GRID1: variants seen among roughly 807,000 people sequenced by gnomAD.
GRID1 encodes the protein glutamate ionotropic receptor delta type subunit 1.
In GRID1, 28 loss-of-function variants were observed where a neutral mutation model predicts 98.0. The observed-to-expected ratio is 0.29, with a 90% CI of 0.21 to 0.39. The LOEUF is 0.39. Ranked by LOEUF, GRID1 falls within the 10% of genes least tolerant of loss-of-function variation. GRID1 has a pLI of 1.00. For missense variants in GRID1, 1,111 were observed against 1,340.5 expected (o/e 0.83, Z 2.67); for synonymous variants, 553 against 538.5 (o/e 1.03, Z -0.37).
chr10:86,341,527 C>G (rs917092878), intron 2 of GRID1, among the ~76,000 whole-genome samples: 2 of 152,336 alleles, frequency 1.3e-5, no homozygotes, highest in East Asian at 3.9e-4. Flanking sequence ...CTCCCGGCCA[C>G]GGCTTTCCCT....
At chr10:85,860,033 G>A (rs1031317611) in intron 6 of GRID1, among the ~76,000 whole-genome samples, 2 of 152,198 alleles carry the variant, frequency 1.3e-5, no homozygotes, top group African/African-American at 4.8e-5. Flanking sequence ...TGAGAAGGAA[G>A]TCTGGAAGGA....
rs371650374 is a variant in GRID1 at position 86,366,290 on chromosome 10, G to C, written c.79+24C>G. ...CCCGTTGGGGCCCCCGCCCAGCCTC[G>C]GCCCGGCCTCCAGCCGCGCTTACCG... is the stretch of plus-strand genomic sequence containing the variant. On this transcript the variant is annotated intron_variant, in intron 1 of 15. Transcript: ENST00000327946. The surrounding 1 kb of genome is among the most constrained non-coding windows in gnomAD (Gnocchi z 4.1). The C allele has an allele frequency of 3.8e-4, 558 of 1,472,686 alleles. 2 individuals carry two copies. In the African/African-American group the frequency reaches 5.6e-3, roughly 15 times the overall value. The allele number at this position is 1,472,686 out of a possible 1,614,324, so 91.2% of individuals were successfully genotyped here.
At chr10:86,188,394 G>C (rs1369662821) in intron 3 of GRID1, among the ~76,000 whole-genome samples, 1 of 152,210 alleles carries the variant, frequency 6.6e-6, no homozygotes, top group Non-Finnish European at 1.5e-5. Flanking sequence ...GAAAATGGGA[G>C]CTGCAGCCCA....
chr10:86,046,221 G>A (rs965926919), intron 4 of GRID1, among the ~76,000 whole-genome samples: 6 of 152,074 alleles, frequency 3.9e-5, no homozygotes, highest in African/African-American at 1.5e-4. Flanking sequence ...AACCGCCCCC[G>A]AACCTACAAG....
chr10:85,681,191 C>T lies in GRID1; in HGVS notation c.1998-33794G>A, dbSNP rs528351510. On this transcript the variant is annotated intron_variant, in intron 12 of 15. Coordinates refer to ENST00000327946, the MANE Select transcript of GRID1 (RefSeq NM_017551.3). ...GTATTGCAGGCCCTCCATGATGTGG[C>T]CCAATCTCATGTTCAAGTTGGCTCC... is the stretch of plus-strand genomic sequence containing the variant. Among the ~76,000 whole-genome samples the T allele has an allele frequency of 3.3e-5, 5 of 152,116 alleles. No homozygotes were observed. The South Asian group carries it at 6.2e-4, about 19-fold the overall frequency.
At chr10:86,313,236 A>G (rs1200308388) in intron 2 of GRID1, among the ~76,000 whole-genome samples, 5 of 152,252 alleles carry the variant, frequency 3.3e-5, no homozygotes, top group African/African-American at 4.8e-5. Flanking sequence ...CCATGAAAAT[A>G]CTAACAGCGA....
At chr10:85,912,479 C>A (rs1841552888) in intron 5 of GRID1, among the ~76,000 whole-genome samples, 1 of 151,804 alleles carries the variant, frequency 6.6e-6, no homozygotes, top group Non-Finnish European at 1.5e-5. Flanking sequence ...GTAAAGAAAG[C>A]AAATAAAAAC....
intron 5 of GRID1, among the ~76,000 whole-genome samples, chr10:85,872,361 T>C (rs923149411): frequency 1.3e-5 from 2 of 152,146 alleles, no homozygotes; most frequent in Non-Finnish European, 2.9e-5. Context: ...GCCTTTCGTT[T>C]TTCCCATATT....
Position 86,219,352 on chromosome 10 carries a change from G to T in GRID1, c.236-12704C>A, listed in dbSNP as rs143813919. On this transcript the variant is annotated intron_variant, in intron 2 of 15. Coordinates refer to ENST00000327946, the MANE Select transcript of GRID1 (RefSeq NM_017551.3). ...GCCCACCCTCCAGTGTGAGTTCAAC[G>T]CTGCCAACTGCCCAATGGCCCTTAA... Among the ~76,000 whole-genome samples the T allele has an allele frequency of 1.1e-3, 161 of 152,280 alleles. 3 individuals carry two copies. The highest frequency in any genetic ancestry group is 1.9e-4 in the East Asian group (1 of 5,178).
rs114009943 is a variant in GRID1, at chr10:86,036,907, T to G, written c.726+101912A>C. On this transcript the variant is annotated intron_variant, in intron 4 of 15. Coordinates refer to ENST00000327946, the MANE Select transcript of GRID1 (RefSeq NM_017551.3). ...AAAACAATGTAGGCTACATTACAAA[T>G]CAAAATAAGCAACAAAGCATTTTAT... 9.6e-3 allele frequency among the ~76,000 whole-genome samples: 1,459 copies of G among 152,278 alleles called. 20 individuals carry two copies. The highest frequency in any genetic ancestry group is 0.034 in the African/African-American group (1,394 of 41,552).
At position 86,138,921 on chromosome 10, in the gene GRID1, G is replaced by C; in HGVS notation, c.624C>G (p.Leu208=). ...DKNISHVFTS[L]FTTMKTEELN... is the part of the protein sequence containing the mutation. The stretch of plus-strand genomic sequence containing the variant: ...GCTCCTCTGTCTTCATCGTGGTGAA[G>C]AGGCTGGTGAATACGTGGCTAATGT... The change falls in exon 4 of 16, where the codon CTC becomes CTG. Residue 208 remains leucine, a synonymous_variant. Coordinates refer to ENST00000327946, the MANE Select transcript of GRID1 (RefSeq NM_017551.3). The C allele has an allele frequency of 6.2e-7, 1 of 1,614,078 alleles. No individual in the cohort carries two copies.
intron 5 of GRID1, among the ~76,000 whole-genome samples, chr10:85,878,640 C>A (rs1357580127): frequency 6.6e-6 from 1 of 152,188 alleles, no homozygotes; most frequent in African/African-American, 2.4e-5. Flanking sequence ...TGGAAAGGAA[C>A]AACCGGTACC....
Position 85,689,446 on chromosome 10 carries a change from G to GAA in GRID1, c.1997+33555_1997+33556dup, listed in dbSNP as rs56015435. The stretch of plus-strand genomic sequence containing the variant: ...TCCAGAATAAAATAACAAAGAAATG[G>GAA]AAAAAAAAAAAGCAATAATAAAAGG... On this transcript the variant is annotated intron_variant, in intron 12 of 15. Transcript: ENST00000327946. Among the ~76,000 whole-genome samples the GAA allele has an allele frequency of 4.8e-3, 701 of 146,718 alleles. 5 individuals are homozygous for GAA. The highest frequency in any genetic ancestry group is 0.016 in the African/African-American group (625 of 40,234).
At chr10:86,343,690 A>G (rs1368769796) in intron 2 of GRID1, among the ~76,000 whole-genome samples, 1 of 152,172 alleles carries the variant, frequency 6.6e-6, no homozygotes, top group Admixed American at 6.5e-5. Flanking sequence ...CTTTCTGGAG[A>G]TCCCAGCCTT....
chr10:85,924,821 T>A (rs1352565187), intron 4 of GRID1, among the ~76,000 whole-genome samples: 1 of 152,216 alleles, frequency 6.6e-6, no homozygotes, highest in African/African-American at 2.4e-5. Flanking sequence ...GTTGACCAAG[T>A]CTGAGCTCGA....
chr10:85,846,394 T>C (rs1001889512), intron 8 of GRID1, among the ~76,000 whole-genome samples: 1 of 152,156 alleles, frequency 6.6e-6, no homozygotes, highest in Admixed American at 6.5e-5. Flanking sequence ...CATAGTGGCA[T>C]GTGCCTATAG....
intron 2 of GRID1, among the ~76,000 whole-genome samples, chr10:86,234,853 T>A (rs1846511593): frequency 6.6e-6 from 1 of 152,162 alleles, no homozygotes; most frequent in African/African-American, 2.4e-5. Flanking sequence ...ACCGGCTTCC[T>A]TAATGAGCCG....
intron 3 of GRID1, among the ~76,000 whole-genome samples, chr10:86,172,901 GTA>G (rs1252697708): frequency 6.6e-6 from 1 of 152,164 alleles, no homozygotes; most frequent in Non-Finnish European, 1.5e-5. Context: ...TGGGCCTTGT[GTA>G]TGTCTTACCC....
At chr10:85,727,030 A>T (rs111643367) in intron 10 of GRID1, among the ~76,000 whole-genome samples, 3 of 152,352 alleles carry the variant, frequency 2.0e-5, no homozygotes, top group Admixed American at 6.5e-5. Flanking sequence ...CTGTGAGAGT[A>T]AAAGTTCAAA....
Sources: allele counts gnomAD v4.1 joint callset (sites outside exome capture counted in the v4.1 genomes callset), GRCh38; gene constraint gnomAD v4.1.1; non-coding constraint Gnocchi (gnomAD v3.1); transcripts MANE v1.5; gene names NCBI Gene and HGNC (gene_info 2026-07-23, HGNC 2026-07-21).